SMARCA1: variants seen among roughly 807,000 people sequenced by gnomAD.
SMARCA1 encodes the protein SWI/SNF-related matrix-associated actin-dependent regulator of chromatin subfamily A member 1.
Under a neutral mutation model 93.6 loss-of-function variants are expected in SMARCA1, and 17 were observed. The observed-to-expected ratio is 0.18, with a 90% CI of 0.12 to 0.27. The LOEUF (loss-of-function observed/expected upper bound fraction) is 0.27, where lower values mean the gene tolerates loss of function less well. SMARCA1 is among the 10% of genes least tolerant of loss of function. The pLI, the probability that SMARCA1 is intolerant of heterozygous loss-of-function variation, is 1.00. For missense variants in SMARCA1, 630 were observed against 819.0 expected (o/e 0.77, Z 2.82); for synonymous variants, 271 against 271.4 (o/e 1.00, Z 0.01).
At chrX:129,514,574 T>C (rs1458757744) in intron 5 of SMARCA1, among the ~76,000 whole-genome samples, 1 of 112,306 alleles carries the variant, frequency 8.9e-6, no homozygotes, top group African/African-American at 3.2e-5. Context: ...AGGCAGTCAT[T>C]TACATATTGT....
In SMARCA1 at chrX:129,502,582, G is replaced by A. The variant is rs554366686; in HGVS notation, c.1167+2152C>T. The stretch of plus-strand genomic sequence containing the variant: ...GAATGGATAGAAGCCAGTGGCCAAT[G>A]GATTCAAGAGTAAACAGGAGACTAG... On this transcript the variant is annotated intron_variant, in intron 9 of 24. Transcript: ENST00000371121. 2.0e-4 allele frequency among the ~76,000 whole-genome samples: 22 copies of A among 111,932 alleles called. No individual in the cohort carries two copies. The South Asian group carries it at 7.2e-3, about 37-fold the overall frequency.
intron 23 of SMARCA1, among the ~76,000 whole-genome samples, chrX:129,455,963 C>T (rs1201382130): frequency 8.9e-6 from 1 of 112,047 alleles, no homozygotes; most frequent in East Asian, 2.8e-4. Context: ...GGTGGCCACA[C>T]TAACCAACGA....
At chrX:129,508,714 A>C (rs1429430935) in intron 6 of SMARCA1, among the ~76,000 whole-genome samples, 1 of 112,505 alleles carries the variant, frequency 8.9e-6, no homozygotes, top group Non-Finnish European at 1.9e-5. Flanking sequence ...AGGCTATGGA[A>C]AACAATGAGA....
At chrX:129,504,907 G>A (rs1383855201) in intron 8 of SMARCA1, 105 bp from the exon 9 acceptor site, 2 of 484,084 alleles carry the variant, frequency 4.1e-6, no homozygotes, top group Non-Finnish European at 7.0e-6. Context: ...CATTTAAAAA[G>A]TACTTTCAAA....
intron 2 of SMARCA1, 83 bp downstream of exon 2, chrX:129,518,278 T>C: frequency 2.0e-6 from 1 of 491,130 alleles, no homozygotes. Flanking sequence ...GCATTATATA[T>C]ATACATGTAT....
chrX:129,504,549 TAAAAAAAAAA>T (rs780225300), intron 9 of SMARCA1, among the ~76,000 whole-genome samples, 175 bp downstream of exon 9: 10 of 24,210 alleles, frequency 4.1e-4, no homozygotes, highest in African/African-American at 1.1e-3. Flanking sequence ...CATAGAGGAA[TAAAAAAAAAA>T]AAAAAAAAAA....
intron 8 of SMARCA1, among the ~76,000 whole-genome samples, chrX:129,505,444 G>A (rs909588693): frequency 4.5e-5 from 5 of 110,677 alleles, no homozygotes; most frequent in Non-Finnish European, 9.4e-5. Context: ...CCCGGGAGGC[G>A]GAGGTTGCAG....
In SMARCA1 at chrX:129,489,026, G is replaced by A. The variant is rs201836596; in HGVS notation, c.2008C>T (p.Arg670Trp). 10 of 1,171,235 alleles carry A rather than the reference G, an allele frequency of 8.5e-6. No individual in the cohort carries two copies. The highest frequency in any genetic ancestry group is 6.0e-5 in the East Asian group (2 of 33,520). The part of the protein sequence containing the change: ...LAKEEMLQMI[R>W]HGATHVFASK... ...GCAAAAACATGGGTGGCTCCATGCCGTATCATTTGTAACATTTCCTCTTTT... is the reference window on the plus strand; with the variant it reads ...GCAAAAACATGGGTGGCTCCATGCCATATCATTTGTAACATTTCCTCTTTT... Residue 670 changes from arginine to tryptophan, a missense_variant, in exon 16 of 25, where the codon CGG (arginine) becomes TGG (tryptophan). Arg to Trp is a moderately radical substitution (Grantham distance 101). Around this residue, in one of 4 missense-constraint regions of SMARCA1, gnomAD observed 382 missense variants for 537.9 expected, o/e 0.71. Coordinates refer to ENST00000371121, the MANE Select transcript of SMARCA1 (RefSeq NM_001282874.2).
At chrX:129,509,418 T>G (rs1934946968) in intron 6 of SMARCA1, among the ~76,000 whole-genome samples, 1 of 109,825 alleles carries the variant, frequency 9.1e-6, no homozygotes, top group Non-Finnish European at 1.9e-5. Flanking sequence ...CCCTGGGAAG[T>G]GATCACATTT....
chrX:129,522,772 AG>A (rs1935450303), intron 1 of SMARCA1, among the ~76,000 whole-genome samples: 1 of 112,173 alleles, frequency 8.9e-6, no homozygotes, highest in Non-Finnish European at 1.9e-5. Flanking sequence ...TGAAGGGCCC[AG>A]ATTTCCCAGG....
At chrX:129,458,236 A>C (rs1932723713) in intron 23 of SMARCA1, among the ~76,000 whole-genome samples, 1 of 112,282 alleles carries the variant, frequency 8.9e-6, no homozygotes, top group Non-Finnish European at 1.9e-5. Context: ...ATGTTGCAAA[A>C]TATCCTTCTT....
intron 23 of SMARCA1, among the ~76,000 whole-genome samples, chrX:129,459,986 CA>C (rs1239917036): frequency 9.0e-6 from 1 of 110,762 alleles, no homozygotes; most frequent in Non-Finnish European, 1.9e-5. Context: ...CCCGTCTTCA[CA>C]AAAACTAAAA....
intron 12 of SMARCA1, 41 bp from the exon 13 acceptor site, chrX:129,493,116 A>C: frequency 2.4e-6 from 1 of 409,899 alleles, no homozygotes; most frequent in South Asian, 5.7e-5. Flanking sequence ...ATTTATGTAT[A>C]AGGACTTTCA....
intron 17 of SMARCA1, among the ~76,000 whole-genome samples, chrX:129,486,067 T>C (rs1296686917): frequency 8.9e-6 from 1 of 111,862 alleles, no homozygotes; most frequent in Non-Finnish European, 1.9e-5. Flanking sequence ...TGTATATATG[T>C]AACAAAATAT....
chrX:129,516,629 T>C, intron 2 of SMARCA1, 132 bp from the exon 3 acceptor site: 1 of 525,150 alleles, frequency 1.9e-6, no homozygotes, highest in East Asian at 3.6e-5. Flanking sequence ...AAGAAACCTA[T>C]GACGTAATTA....
chrX:129,499,524 CA>C (rs1934469728), intron 10 of SMARCA1, among the ~76,000 whole-genome samples: 1 of 111,914 alleles, frequency 8.9e-6, no homozygotes, highest in African/African-American at 3.2e-5. Flanking sequence ...AATTCAAACA[CA>C]GATCTATAGA....
chrX:129,502,018 C>T (rs1934586390), intron 9 of SMARCA1, among the ~76,000 whole-genome samples: 1 of 111,669 alleles, frequency 9.0e-6, no homozygotes, highest in Non-Finnish European at 1.9e-5. Flanking sequence ...TAAACTGTAG[C>T]TATTATTATT....
intron 14 of SMARCA1, among the ~76,000 whole-genome samples, chrX:129,491,597 A>G (rs1220083078): frequency 2.7e-5 from 3 of 111,794 alleles, no homozygotes; most frequent in South Asian, 7.5e-4. Flanking sequence ...TGTTGAACAG[A>G]ATAATAACAA....
chrX:129,508,574 C>G (rs936004085), intron 6 of SMARCA1, among the ~76,000 whole-genome samples: 2 of 112,312 alleles, frequency 1.8e-5, no homozygotes, highest in African/African-American at 6.5e-5. Flanking sequence ...TCTTCATTTT[C>G]TAGCTGGGCT....
Sources: gnomAD v4.1 joint callset for allele counts (sites outside exome capture counted in the v4.1 genomes callset) on GRCh38, gnomAD v4.1.1 for gene constraint, gnomAD v4.1.1 regional missense constraint, MANE v1.5 for transcripts, NCBI Gene and HGNC (gene_info 2026-07-23, HGNC 2026-07-21) for gene names.